The following NAV3 variants were observed in gnomAD, a reference collection of about 807,000 sequenced individuals.
NAV3 encodes the protein neuron navigator 3, also known as pore membrane and/or filament interacting like protein 1.
A neutral mutation model predicts 244.7 loss-of-function variants in NAV3; 87 were observed. The observed-to-expected ratio is 0.36, with a 90% CI of 0.30 to 0.42. The LOEUF is 0.42. Ranked by LOEUF, NAV3 falls within the 20% of genes least tolerant of loss-of-function variation. NAV3 has a pLI of 1.00. For synonymous variants in NAV3, 1,126 were observed against 1,042.2 expected, an observed-to-expected ratio of 1.08 and a Z score of -1.55; for missense variants, 2,663 against 2,893.3, an observed-to-expected ratio of 0.92 and a Z score of 1.83.
At chr12:77,772,441 A>T (rs995939533) in intron 2 of NAV3, among the ~76,000 whole-genome samples, 1 of 152,210 alleles carries the variant, frequency 6.6e-6, no homozygotes, top group Non-Finnish European at 1.5e-5. Flanking sequence ...TTTTATGAAT[A>T]TATATCTTTT....
intron 19 of NAV3, among the ~76,000 whole-genome samples, chr12:78,139,031 C>T (rs557519560): frequency 6.6e-6 from 1 of 152,190 alleles, no homozygotes; most frequent in East Asian, 1.9e-4. Flanking sequence ...ATTAATTGTC[C>T]ACCTTTCCTA....
chr12:77,809,910 G>A (rs554307982), intron 2 of NAV3, among the ~76,000 whole-genome samples: 1 of 152,002 alleles, frequency 6.6e-6, no homozygotes, highest in Non-Finnish European at 1.5e-5. Flanking sequence ...TCTACCTTTG[G>A]TTGGGTTCGT....
intron 12 of NAV3, 93 bp downstream of exon 12, chr12:78,059,208 C>G: frequency 9.1e-7 from 1 of 1,101,232 alleles, no homozygotes; most frequent in Non-Finnish European, 1.3e-6. Context: ...CAGTGTAAAT[C>G]AAAGGACTTT....
chr12:77,964,094 G>T (rs1892307156), intron 3 of NAV3, among the ~76,000 whole-genome samples: 1 of 141,450 alleles, frequency 7.1e-6, no homozygotes. Flanking sequence ...CTTCTCTTTT[G>T]CATTCCCCTT....
At position 78,177,230 on chromosome 12, in the gene NAV3, A is replaced by G; in HGVS notation, c.5214A>G (p.Ser1738=). Residue 1738 remains serine (S), a synonymous_variant, in exon 27 of 40, where the codon TCA becomes TCG. Coordinates refer to ENST00000397909, the MANE Select transcript of NAV3 (RefSeq NM_001024383.2). ...CTGACATTGAAGAGCTTACTGATTC[A>G]TCCCTTCCGGCATCCCCCAAGTTAC... ...SHSDIEELTD[S]SLPASPKLPH... 1 of 1,613,570 alleles carries G rather than the reference A, an allele frequency of 6.2e-7. No homozygotes were observed. Among genetic ancestry groups the G allele is most frequent in the Non-Finnish European group, 8.5e-7 (1 of 1,179,634 alleles).
In NAV3 at chr12:77,905,064, G is replaced by A. The variant is rs765053734; in HGVS notation, c.244-35255G>A. 4.7e-4 allele frequency among the ~76,000 whole-genome samples: 72 copies of A among 152,076 alleles called. 1 individual carries two copies. The highest frequency in any genetic ancestry group is 3.4e-3 in the Middle Eastern group (1 of 292). On this transcript the variant is annotated intron_variant, in intron 1 of 39. Coordinates refer to ENST00000397909, the MANE Select transcript of NAV3 (RefSeq NM_001024383.2). ...GAGAAGTCAGTATATTCTCCCCGTGGTCTCCAAATGCATTTGAATTCATCT... is the reference window on the plus strand; with the variant it reads ...GAGAAGTCAGTATATTCTCCCCGTGATCTCCAAATGCATTTGAATTCATCT...
chr12:77,699,252 T>C (rs1050280556), intron 2 of NAV3, among the ~76,000 whole-genome samples: 4 of 152,114 alleles, frequency 2.6e-5, no homozygotes, highest in African/African-American at 9.7e-5. Context: ...TGGGTATTTT[T>C]TGCCTGAATG....
intron 1 of NAV3, among the ~76,000 whole-genome samples, chr12:77,906,161 G>T (rs538208234): frequency 6.6e-5 from 10 of 152,202 alleles, no homozygotes; most frequent in Admixed American, 2.0e-4. Context: ...ACCAATTTCT[G>T]TACAATGAGA....
chr12:77,636,942 A>C (rs1218222674), intron 2 of NAV3, among the ~76,000 whole-genome samples: 2 of 152,112 alleles, frequency 1.3e-5, no homozygotes, highest in Non-Finnish European at 1.5e-5. Context: ...TCAAACCATG[A>C]GAACACATGG....
chr12:77,875,828 T>C (rs1360647089), intron 1 of NAV3, among the ~76,000 whole-genome samples: 2 of 152,056 alleles, frequency 1.3e-5, no homozygotes, highest in African/African-American at 4.8e-5. Context: ...AAGTAGTCTA[T>C]ACTTTCTATT....
At position 78,175,417 on chromosome 12, in the gene NAV3, A is replaced by T. The variant is rs1329634393; in HGVS notation, c.5093A>T (p.Lys1698Met). Residue 1698 changes from lysine (K) to methionine (M), a missense_variant, in exon 25 of 40, where the codon AAG becomes ATG. Lys to Met is a moderately conservative substitution (Grantham distance 95). Transcript: ENST00000397909. ...GNDADSKKKKKKNWVNSRGSE... is the reference protein window; with the variant it reads ...GNDADSKKKKMKNWVNSRGSE... ...GATGCCGACTCCAAGAAGAAGAAAA[A>T]GAAAAACTGGGTAAGTTACCATCCT... 1 of 1,610,128 alleles carries T rather than the reference A, an allele frequency of 6.2e-7. No individual in the cohort carries two copies. The highest frequency in any genetic ancestry group is 2.2e-5 in the East Asian group (1 of 44,686).
intron 20 of NAV3, 90 bp from the exon 21 acceptor site, chr12:78,146,279 G>T (rs1956860116): frequency 4.2e-6 from 2 of 471,900 alleles, no homozygotes; most frequent in East Asian, 7.8e-5. Flanking sequence ...ATAATAAAAA[G>T]TACATCATGA....
In NAV3 at chr12:77,638,812, G is replaced by A. The variant is rs542049678; in HGVS notation, c.72+66546G>A. Among the ~76,000 whole-genome samples, 89 of 152,300 alleles carry A rather than the reference G, an allele frequency of 5.8e-4. 1 individual carries two copies. The highest frequency in any genetic ancestry group is 2.0e-3 in the African/African-American group (85 of 41,580). On this transcript the variant is annotated intron_variant, in intron 2 of 8. Coordinates refer to the NAV3 transcript ENST00000550042. ...GGTCATAGATATATCATATGAATTT[G>A]TTAATTCTTTACATGAAGTCACTAT... is the stretch of plus-strand genomic sequence containing the variant.
intron 5 of NAV3, among the ~76,000 whole-genome samples, chr12:77,982,218 A>ATAGAGTACTCTTAT (rs1593189401): frequency 1.5e-5 from 2 of 134,684 alleles, no homozygotes; most frequent in African/African-American, 2.5e-5. Flanking sequence ...CATATGGCTT[A>ATAGAGTACTCTTAT]ATGAAAGATG....
intron 34 of NAV3, among the ~76,000 whole-genome samples, chr12:78,190,577 C>A (rs564902123): frequency 1.2e-4 from 18 of 152,080 alleles, no homozygotes; most frequent in African/African-American, 4.3e-4. Context: ...GGCATCAGAG[C>A]TTTATAAAGG....
At chr12:78,002,076 G>A (rs1241473523) in intron 7 of NAV3, among the ~76,000 whole-genome samples, 1 of 152,102 alleles carries the variant, frequency 6.6e-6, no homozygotes, top group East Asian at 1.9e-4. Context: ...CATATACTTT[G>A]CATGCCTGAA....
chr12:78,042,507 C>T (rs1881034328), intron 9 of NAV3, among the ~76,000 whole-genome samples: 1 of 152,178 alleles, frequency 6.6e-6, no homozygotes, highest in African/African-American at 2.4e-5. Context: ...TAAGAAAAGA[C>T]CTCAGCCGGG....
chr12:77,766,031 T>A (rs549164137), intron 2 of NAV3, among the ~76,000 whole-genome samples: 3 of 152,308 alleles, frequency 2.0e-5, no homozygotes, highest in Admixed American at 2.0e-4. Context: ...TGCCATCAGT[T>A]AAGAAATTTA....
intron 2 of NAV3, among the ~76,000 whole-genome samples, chr12:77,814,405 C>T (rs1045592437): frequency 1.3e-5 from 2 of 152,134 alleles, no homozygotes; most frequent in Non-Finnish European, 2.9e-5. Flanking sequence ...TTCTACCAAA[C>T]TCTATACCAT....
Sources: gnomAD v4.1 joint callset for allele counts (sites outside exome capture counted in the v4.1 genomes callset) on GRCh38, gnomAD v4.1.1 for gene constraint, MANE v1.5 for transcripts, NCBI Gene and HGNC (gene_info 2026-07-23, HGNC 2026-07-21) for gene names.